Variants in MACF1 observed in about 807,000 individuals in gnomAD.
The protein encoded by MACF1 is microtubule actin crosslinking factor 1.
A neutral mutation model predicts 854.8 loss-of-function variants in MACF1; 193 were observed. The observed-to-expected ratio is 0.23, with a 90% CI of 0.20 to 0.25. MACF1 has a LOEUF of 0.25. Among genes scored for constraint, MACF1 ranks in the 10% least tolerant of loss-of-function variants. The probability of loss-of-function intolerance (pLI) is 1.00; values close to 1 mark genes in which losing one functional copy is unlikely to be tolerated. For missense variants in MACF1, 7,722 were observed against 8,929.1 expected, an observed-to-expected ratio of 0.86 and a Z score of 5.45; for synonymous variants, 3,185 against 3,226.7, an observed-to-expected ratio of 0.99 and a Z score of 0.44.
rs1646284109 is a variant in MACF1 at position 39,310,774 on chromosome 1, A to G, written c.3101-57A>G. On this transcript the variant is annotated intron_variant, in intron 25 of 100. Coordinates refer to ENST00000564288, the MANE Select transcript of MACF1 (RefSeq NM_001394062.1). ...GCCTTGCTTTCATTAGTAGGATATC[A>G]GGTCTGCTTATCTCTGATGTCGAGC... The G allele has an allele frequency of 2.0e-6, 3 of 1,489,428 alleles. No individual in the cohort carries two copies. The East Asian group carries it at 6.8e-5, about 34-fold the overall frequency. The allele number at this position is 1,489,428 out of a possible 1,614,324, so 92.3% of individuals were successfully genotyped here. A position where few individuals can be genotyped will look rare whatever the true frequency, so the allele number is the denominator to read the frequency against.
intron 26 of MACF1, among the ~76,000 whole-genome samples, chr1:39,313,728 G>A (rs1453661393): frequency 6.6e-6 from 1 of 151,864 alleles, no homozygotes; most frequent in Admixed American, 6.6e-5. Flanking sequence ...CCTTCAAGCT[G>A]GCTTTTTTGT....
At chr1:39,347,349 T>C (rs1031224377) in intron 41 of MACF1, 139 bp downstream of exon 41, 2 of 695,088 alleles carry the variant, frequency 2.9e-6, no homozygotes, top group African/African-American at 1.8e-5. Context: ...TGCAGGCCAG[T>C]ATGGTTCTAG....
rs1040988955 is a variant in MACF1 at position 39,443,578 on chromosome 1, A to G, written c.19431+4A>G. ...GGAACAGCTTGATACACATATGGTA[A>G]TAGCAATTTTTTGAAATTGAGCATA... On this transcript the variant is annotated splice_donor_region_variant and intron_variant, in intron 79 of 100. Transcript: ENST00000564288. 1.3e-6 allele frequency: 2 copies of G among 1,588,668 alleles called. No homozygotes were observed. Among genetic ancestry groups the G allele is most frequent in the Non-Finnish European group, 1.7e-6 (2 of 1,172,534 alleles).
chr1:39,408,714 G>C (rs1642820136), intron 58 of MACF1, among the ~76,000 whole-genome samples: 2 of 152,112 alleles, frequency 1.3e-5, no homozygotes, highest in African/African-American at 4.8e-5. Flanking sequence ...GCGCAGCCCA[G>C]ACTCGCGCGG....
chr1:39,246,982 A>G (rs1483619074), intron 2 of MACF1, among the ~76,000 whole-genome samples: 2 of 150,288 alleles, frequency 1.3e-5, no homozygotes, highest in African/African-American at 4.9e-5. Context: ...GCTCACTGCA[A>G]CCTCTGTCTC....
intron 2 of MACF1, among the ~76,000 whole-genome samples, chr1:39,190,280 T>TTC (rs1181637530): frequency 1.3e-5 from 2 of 151,832 alleles, no homozygotes; most frequent in Non-Finnish European, 2.9e-5. Flanking sequence ...CCTCTCTCTC[T>TTC]TCTTTCTTTC....
chr1:39,483,086 CAAAAAAAAAAAAAAA>C (rs1198703166), intron 99 of MACF1, among the ~76,000 whole-genome samples: 1 of 22,762 alleles, frequency 4.4e-5, no homozygotes, highest in South Asian at 3.2e-3. Context: ...GACTCTGTCT[CAAAAAAAAAAAAAAA>C]AAAAAAAAAA....
In MACF1 at chr1:39,353,036, CAAG is replaced by C. The variant is rs1647245246; in HGVS notation, c.11237_11239del (p.Lys3746del). The C allele has an allele frequency of 1.9e-6, 3 of 1,613,822 alleles. No homozygotes were observed. Among genetic ancestry groups the C allele is most frequent in the African/African-American group, 1.3e-5 (1 of 74,890 alleles). On this transcript the variant is annotated inframe_deletion, in exon 44 of 101. Transcript: ENST00000564288. Reference sequence around the variant, plus strand: ...AAGCAGCAAAGGAACTGGCAGAGAACAAGAAGAAGATCGATGCTCTCCTGGATT... The same window carrying C: ...AAGCAGCAAAGGAACTGGCAGAGAACAAGAAGATCGATGCTCTCCTGGATT...
At position 39,410,245 on chromosome 1, in the gene MACF1, G is replaced by A. The variant is rs1356198318; in HGVS notation, c.15817-12129G>A. 5 of 1,530,092 alleles carry A rather than the reference G, an allele frequency of 3.3e-6. No homozygotes were observed. The South Asian group carries it at 6.1e-5, about 19-fold the overall frequency. The allele number at this position is 1,530,092 out of a possible 1,614,324, so 94.8% of individuals were successfully genotyped here. A position where few individuals can be genotyped will look rare whatever the true frequency, so the allele number is the denominator to read the frequency against. ...GAAAAATACTTTTGAAAGATTGATG[G>A]TTCATCTTGATTGAAAAAGGATGGG... On this transcript the variant is annotated intron_variant, in intron 58 of 100. Transcript: ENST00000564288.
chr1:39,455,111 A>G lies in MACF1; in HGVS notation c.21075+14A>G. ...GCTGAGCATCAGGTATCTTAACCTCACTGTGTGATCACTGGTGTTTTCCGT... is the reference window on the plus strand; with the variant it reads ...GCTGAGCATCAGGTATCTTAACCTCGCTGTGTGATCACTGGTGTTTTCCGT... On this transcript the variant is annotated intron_variant, in intron 89 of 100. Coordinates refer to ENST00000564288, the MANE Select transcript of MACF1 (RefSeq NM_001394062.1). 1 of 1,611,664 alleles carries G rather than the reference A, an allele frequency of 6.2e-7. No individual in the cohort carries two copies. The highest frequency in any genetic ancestry group is 1.1e-5 in the South Asian group (1 of 90,814).
intron 40 of MACF1, among the ~76,000 whole-genome samples, chr1:39,346,611 C>T (rs1416799720): frequency 6.6e-6 from 1 of 151,278 alleles, no homozygotes; most frequent in Non-Finnish European, 1.5e-5. Context: ...CCTCTGCCTC[C>T]CGGGTTCACG....
chr1:39,187,626 A>G (rs1037473500), intron 2 of MACF1, among the ~76,000 whole-genome samples: 2 of 152,174 alleles, frequency 1.3e-5, no homozygotes, highest in Non-Finnish European at 2.9e-5. Context: ...TGCTTATCTG[A>G]AAATGTCTTA....
intron 97 of MACF1, among the ~76,000 whole-genome samples, chr1:39,477,088 T>TATATAC (rs1557675101): frequency 1.0e-3 from 16 of 15,884 alleles, no homozygotes; most frequent in African/African-American, 2.3e-3. Context: ...TATATATATA[T>TATATAC]ATACACACAC....
chr1:39,256,353 G>A (rs1376317711), intron 5 of MACF1, among the ~76,000 whole-genome samples: 1 of 152,146 alleles, frequency 6.6e-6, no homozygotes, highest in Non-Finnish European at 1.5e-5. Flanking sequence ...TTCTCGGGGA[G>A]GGGACAGGTT....
Position 39,448,132 on chromosome 1 carries a change from C to T in MACF1, c.20068C>T (p.Leu6690Phe), listed in dbSNP as rs766151678. 1.2e-6 allele frequency: 2 copies of T among 1,614,044 alleles called. No individual in the cohort carries two copies. The highest frequency in any genetic ancestry group is 2.2e-5 in the East Asian group (1 of 44,882). Residue 6690 changes from leucine (L) to phenylalanine (F), a missense_variant, in exon 83 of 101, where the codon CTT becomes TTT. Leu to Phe is a conservative substitution (Grantham distance 22, BLOSUM62 0). Coordinates refer to ENST00000564288, the MANE Select transcript of MACF1 (RefSeq NM_001394062.1). ...EISNDPDKIK[L>F]QLSKHKEFQK... ...ATCCAATGACCCAGACAAAATTAAACTTCAGCTTTCTAAGCATAAGGTAAA... is the reference window on the plus strand; with the variant it reads ...ATCCAATGACCCAGACAAAATTAAATTTCAGCTTTCTAAGCATAAGGTAAA...
chr1:39,143,722 T>G (rs932481460), intron 2 of MACF1, among the ~76,000 whole-genome samples: 1 of 152,228 alleles, frequency 6.6e-6, no homozygotes, highest in Non-Finnish European at 1.5e-5. Flanking sequence ...TTGGCTAGTT[T>G]CAAGACCCTG....
intron 2 of MACF1, among the ~76,000 whole-genome samples, chr1:39,144,023 C>T (rs1280906977): frequency 6.7e-6 from 1 of 150,096 alleles, no homozygotes; most frequent in Non-Finnish European, 1.5e-5. Context: ...CTCCTGACCT[C>T]GTGATCCGCC....
intron 2 of MACF1, among the ~76,000 whole-genome samples, chr1:39,184,613 TG>T (rs1187150855): frequency 1.3e-5 from 2 of 151,952 alleles, no homozygotes; most frequent in South Asian, 2.1e-4. Context: ...GGTGGCGGGA[TG>T]GAGAGTTTCA....
chr1:39,390,987 T>A (rs1642011542), intron 58 of MACF1, among the ~76,000 whole-genome samples: 1 of 151,860 alleles, frequency 6.6e-6, no homozygotes, highest in African/African-American at 2.4e-5. Context: ...GGCAGGCGCC[T>A]GTAGTCCCAG....
Sources: gnomAD v4.1 joint callset for allele counts (sites outside exome capture counted in the v4.1 genomes callset) on GRCh38, gnomAD v4.1.1 for gene constraint, MANE v1.5 for transcripts, NCBI Gene and HGNC (gene_info 2026-07-23, HGNC 2026-07-21) for gene names.